The following ENOX1 variants were observed in gnomAD, a reference collection of about 807,000 sequenced individuals.
The protein encoded by ENOX1 is ecto-NOX disulfide-thiol exchanger 1, also known as candidate growth-related and time keeping constitutive hydroquinone (NADH) oxidase.
A neutral mutation model predicts 82.5 loss-of-function variants in ENOX1; 42 were observed. The observed-to-expected ratio is 0.51, with a 90% CI of 0.40 to 0.66. The LOEUF is 0.66. ENOX1 is among the 30% of genes least tolerant of loss of function. The pLI is 0.00. For synonymous variants in ENOX1, 271 were observed against 282.2 expected, an observed-to-expected ratio of 0.96 and a Z score of 0.40; for missense variants, 608 against 811.6, an observed-to-expected ratio of 0.75 and a Z score of 3.05.
chr13:43,611,608 C>T (rs1399004527), intron 2 of ENOX1, among the ~76,000 whole-genome samples: 1 of 152,162 alleles, frequency 6.6e-6, no homozygotes, highest in Non-Finnish European at 1.5e-5. Context: ...TTTTGGCCAT[C>T]TAGGAAAAAC....
rs144230534 is a variant in ENOX1, at chr13:43,370,183, C to T, written c.209-8731G>A. Among the ~76,000 whole-genome samples, 418 of 152,210 alleles carry T rather than the reference C, an allele frequency of 2.7e-3. 1 individual carries two copies. Among genetic ancestry groups the T allele is most frequent in the African/African-American group, 9.4e-3 (391 of 41,540 alleles). On this transcript the variant is annotated intron_variant, in intron 5 of 16. Transcript: ENST00000690772. ...GAGATCGAGACCAACCTGGCTAACA[C>T]GGTGAAACCCCATCTCTGCTAAAAG...
intron 3 of ENOX1, among the ~76,000 whole-genome samples, chr13:43,482,453 T>C (rs2058542756): frequency 6.6e-6 from 1 of 152,098 alleles, no homozygotes; most frequent in South Asian, 2.1e-4. Flanking sequence ...TAAGGTAAAA[T>C]TGTAGTTGCC....
At chr13:43,733,297 C>T (rs1307957072) in intron 1 of ENOX1, among the ~76,000 whole-genome samples, 2 of 152,178 alleles carry the variant, frequency 1.3e-5, no homozygotes, top group Non-Finnish European at 2.9e-5. Flanking sequence ...AAAATACCTT[C>T]TGTGCAACAG....
intron 5 of ENOX1, among the ~76,000 whole-genome samples, chr13:43,369,233 G>A (rs1247582259): frequency 6.6e-6 from 1 of 152,080 alleles, no homozygotes; most frequent in African/African-American, 2.4e-5. Context: ...GTCAGCCTCA[G>A]CACCCTCTTC....
intron 1 of ENOX1, among the ~76,000 whole-genome samples, chr13:43,735,706 G>A (rs1174237063): frequency 6.6e-6 from 1 of 151,770 alleles, no homozygotes; most frequent in African/African-American, 2.4e-5. Flanking sequence ...GGGTGACAGA[G>A]CAAGACTCAG....
At position 43,630,933 on chromosome 13, in the gene ENOX1, T is replaced by TGTGTGTGTG. The variant is rs1566672189; in HGVS notation, c.-219+36545_-219+36546insCACACACAC. 4.7e-5 allele frequency among the ~76,000 whole-genome samples: 7 copies of TGTGTGTGTG among 149,334 alleles called. No individual in the cohort carries two copies. The East Asian group carries it at 1.2e-3, about 25-fold the overall frequency. ...CGTGTGCGTATATGTGTGTGTGTGT[T>TGTGTGTGTG]TGTGTGTGTGTGTGTGTATGTAATA... On this transcript the variant is annotated intron_variant, in intron 2 of 16. Coordinates refer to ENST00000690772, the MANE Select transcript of ENOX1 (RefSeq NM_001347969.2).
chr13:43,607,218 A>G (rs1309609925), intron 2 of ENOX1, among the ~76,000 whole-genome samples: 2 of 152,152 alleles, frequency 1.3e-5, no homozygotes, highest in African/African-American at 4.8e-5. Flanking sequence ...TACCCCTTAA[A>G]TGTGTACACT....
At chr13:43,776,912 A>G (rs990413427) in intron 1 of ENOX1, among the ~76,000 whole-genome samples, 2 of 152,188 alleles carry the variant, frequency 1.3e-5, no homozygotes, top group African/African-American at 2.4e-5. Flanking sequence ...CAGCTGACTC[A>G]GAAATCTGAG....
intron 1 of ENOX1, among the ~76,000 whole-genome samples, chr13:43,703,645 A>ATGCTAGGAGTT (rs1201050741): frequency 1.3e-5 from 2 of 152,174 alleles, no homozygotes; most frequent in African/African-American, 4.8e-5. Flanking sequence ...CAAAATATAT[A>ATGCTAGGAGTT]ACAAACAGGC....
chr13:43,400,877 CTT>C, intron 5 of ENOX1, among the ~76,000 whole-genome samples: 1 of 152,268 alleles, frequency 6.6e-6, no homozygotes, highest in African/African-American at 2.4e-5. Context: ...ACGTAGGAGA[CTT>C]TGCTTTAATC....
chr13:43,515,687 C>T (rs778191704), intron 2 of ENOX1, among the ~76,000 whole-genome samples: 2 of 152,168 alleles, frequency 1.3e-5, no homozygotes, highest in Non-Finnish European at 2.9e-5. Context: ...ATTTGTCAAC[C>T]ACTACACTAT....
intron 9 of ENOX1, among the ~76,000 whole-genome samples, chr13:43,328,649 A>C (rs1277098209): frequency 6.6e-6 from 1 of 152,224 alleles, no homozygotes; most frequent in Non-Finnish European, 1.5e-5. Context: ...AGGAGTACAG[A>C]AAAGAAAGAA....
intron 1 of ENOX1, among the ~76,000 whole-genome samples, chr13:43,733,909 T>C (rs746761000): frequency 1.3e-5 from 2 of 152,068 alleles, no homozygotes; most frequent in Non-Finnish European, 2.9e-5. Context: ...CAGTGAGCTA[T>C]GACTGTGCCA....
intron 1 of ENOX1, among the ~76,000 whole-genome samples, chr13:43,678,858 T>C (rs1052475726): frequency 2.0e-5 from 3 of 152,178 alleles, no homozygotes; most frequent in Non-Finnish European, 4.4e-5. Flanking sequence ...TAATGGTGTT[T>C]CAGTATATAA....
intron 15 of ENOX1, among the ~76,000 whole-genome samples, chr13:43,229,990 C>T (rs956771684): frequency 3.9e-5 from 6 of 152,044 alleles, no homozygotes; most frequent in African/African-American, 1.4e-4. Context: ...TATACATTTG[C>T]AATGGCAACA....
Position 43,360,283 on chromosome 13 carries a change from T to G in ENOX1, c.383-226A>C, listed in dbSNP as rs922709865. On this transcript the variant is annotated intron_variant, in intron 6 of 16. Coordinates refer to ENST00000690772, the MANE Select transcript of ENOX1 (RefSeq NM_001347969.2). Reference sequence around the variant, plus strand: ...ATTGCTACACAGAGTGGCTATATGCTTGTCCATGAACAAAGATAAAGCAAA... The same window carrying G: ...ATTGCTACACAGAGTGGCTATATGCGTGTCCATGAACAAAGATAAAGCAAA... Among the ~76,000 whole-genome samples, 8 of 152,336 alleles carry G rather than the reference T, an allele frequency of 5.3e-5. 2 individuals are homozygous for G.
intron 3 of ENOX1, among the ~76,000 whole-genome samples, chr13:43,445,130 T>TC (rs1416802371): frequency 6.6e-6 from 1 of 151,222 alleles, no homozygotes; most frequent in East Asian, 1.9e-4. Context: ...TCTGGGTTTT[T>TC]TTTTTTTTTT....
chr13:43,469,919 T>A (rs1195348743), intron 3 of ENOX1, among the ~76,000 whole-genome samples: 1 of 151,818 alleles, frequency 6.6e-6, no homozygotes, highest in African/African-American at 2.4e-5. Flanking sequence ...CACTGATATA[T>A]AAAGAGCTAC....
chr13:43,476,901 G>T (rs2058306391), intron 3 of ENOX1, among the ~76,000 whole-genome samples: 1 of 152,062 alleles, frequency 6.6e-6, no homozygotes, highest in Admixed American at 6.5e-5. Flanking sequence ...AGAGGAGATG[G>T]GTGGGTGCAG....
Sources: allele counts gnomAD v4.1 joint callset (sites outside exome capture counted in the v4.1 genomes callset), GRCh38; gene constraint gnomAD v4.1.1; transcripts MANE v1.5; gene names NCBI Gene and HGNC (gene_info 2026-07-23, HGNC 2026-07-21).